Variants in TBCEL observed in about 807,000 individuals in gnomAD.
The protein encoded by TBCEL is tubulin-specific chaperone cofactor E-like protein.
A neutral mutation model predicts 44.2 loss-of-function variants in TBCEL; 15 were observed. That is an observed-to-expected ratio of 0.34 (90% CI 0.23 to 0.52). TBCEL has a LOEUF of 0.52. Ranked by LOEUF, TBCEL falls within the 20% of genes least tolerant of loss-of-function variation. The pLI is 0.95. For synonymous variants in TBCEL, 171 were observed against 185.4 expected (o/e 0.92, Z 0.63); for missense variants, 319 against 506.3 (o/e 0.63, Z 3.55).
At chr11:121,052,605 T>A (rs1205853335) in intron 4 of TBCEL, among the ~76,000 whole-genome samples, 1 of 151,948 alleles carries the variant, frequency 6.6e-6, no homozygotes, top group Non-Finnish European at 1.5e-5. Flanking sequence ...ATTTATTTCA[T>A]ACTTGTTTAA....
chr11:121,041,098 T>A (rs972016722), intron 2 of TBCEL, among the ~76,000 whole-genome samples: 22 of 152,232 alleles, frequency 1.4e-4, no homozygotes, highest in African/African-American at 5.3e-4. Context: ...CTTTGTGAAA[T>A]AAGTATTGAC....
At chr11:121,072,733 C>T (rs1209915734) in intron 8 of TBCEL, among the ~76,000 whole-genome samples, 1 of 152,020 alleles carries the variant, frequency 6.6e-6, no homozygotes. Flanking sequence ...TCTGATTTGT[C>T]TATCCTTAAC....
At chr11:121,079,672 A>T (rs1206143312) in intron 8 of TBCEL, among the ~76,000 whole-genome samples, 1 of 151,994 alleles carries the variant, frequency 6.6e-6, no homozygotes, top group African/African-American at 2.4e-5. Context: ...CAGTTGTAGA[A>T]TGTTTCTTTG....
At chr11:121,056,356 A>G (rs1044206431) in intron 6 of TBCEL, among the ~76,000 whole-genome samples, 8 of 151,716 alleles carry the variant, frequency 5.3e-5, no homozygotes, top group Admixed American at 5.3e-4. Context: ...TGGATGTACT[A>G]CAGTTTATTT....
At chr11:121,066,747 T>C (rs1281057061) in intron 8 of TBCEL, among the ~76,000 whole-genome samples, 1 of 152,202 alleles carries the variant, frequency 6.6e-6, no homozygotes, top group Non-Finnish European at 1.5e-5. Context: ...TATACTTATC[T>C]CTTTCTCTTC....
At chr11:121,025,481 G>A (rs1047780784) in intron 1 of TBCEL, among the ~76,000 whole-genome samples, 7 of 151,904 alleles carry the variant, frequency 4.6e-5, no homozygotes, top group Non-Finnish European at 8.8e-5. Flanking sequence ...GGTATGAAGG[G>A]AAACTTTCAC....
rs149197630 is a variant in TBCEL, at chr11:121,071,885, G to A, written c.956+11800G>A. Among the ~76,000 whole-genome samples the A allele has an allele frequency of 4.2e-3, 632 of 152,202 alleles. 2 individuals are homozygous for A. Among genetic ancestry groups the A allele is most frequent in the African/African-American group, 0.014 (582 of 41,510 alleles). On this transcript the variant is annotated intron_variant, in intron 8 of 8. Transcript: ENST00000683345. Reference sequence around the variant, plus strand: ...TACCTCATATTCCTTCCAGACAGAGGACCTGCTGTTGTGAAGGAACATTTC... The same window carrying A: ...TACCTCATATTCCTTCCAGACAGAGAACCTGCTGTTGTGAAGGAACATTTC...
rs751854768 is a variant in TBCEL at position 121,087,487 on chromosome 11, G to A, written c.*391G>A. 1.2e-4 allele frequency: 20 copies of A among 163,304 alleles called. No homozygotes were observed. Among genetic ancestry groups the A allele is most frequent in the Non-Finnish European group, 1.1e-4 (8 of 75,390 alleles). 10.1% of individuals were successfully genotyped at this position (163,304 alleles called of 1,614,324 possible). A position where few individuals can be genotyped will look rare whatever the true frequency, so the allele number is the denominator to read the frequency against. The stretch of plus-strand genomic sequence containing the variant: ...AGGGTCTCATAGAGAATTTAAACAG[G>A]GTGACAAGGAATCTTCACAGGAAGG... On this transcript the variant is annotated 3_prime_UTR_variant, in exon 9 of 9. Transcript: ENST00000683345.
intron 3 of TBCEL, among the ~76,000 whole-genome samples, chr11:121,046,141 T>G (rs1945426570): frequency 6.6e-6 from 1 of 152,086 alleles, no homozygotes; most frequent in South Asian, 2.1e-4. Context: ...CCTCATAGCC[T>G]AATTGGTTTA....
chr11:121,060,175 T>C, intron 8 of TBCEL, 90 bp downstream of exon 8: 2 of 851,632 alleles, frequency 2.3e-6, no homozygotes, highest in Non-Finnish European at 3.8e-6. Context: ...TCATTTGTTA[T>C]TGGACCCTTC....
At chr11:121,064,276 G>A (rs1301932758) in intron 8 of TBCEL, among the ~76,000 whole-genome samples, 1 of 152,168 alleles carries the variant, frequency 6.6e-6, no homozygotes, top group Non-Finnish European at 1.5e-5. Flanking sequence ...AGGATAACTG[G>A]TATCACTTTT....
chr11:121,028,762 C>T (rs775180239), intron 1 of TBCEL, among the ~76,000 whole-genome samples: 1 of 152,156 alleles, frequency 6.6e-6, no homozygotes, highest in Non-Finnish European at 1.5e-5. Flanking sequence ...ACAAATTGCT[C>T]ATATGGTTTT....
chr11:121,074,889 A>G (rs1482156526), intron 8 of TBCEL, among the ~76,000 whole-genome samples: 2 of 152,020 alleles, frequency 1.3e-5, no homozygotes, highest in Admixed American at 1.3e-4. Flanking sequence ...GTTGCAAGAA[A>G]GAATACAGCA....
intron 2 of TBCEL, among the ~76,000 whole-genome samples, chr11:121,041,889 G>T: frequency 6.8e-6 from 1 of 147,152 alleles, no homozygotes. Context: ...ACCAATGAAG[G>T]TACTTGGTGT....
At chr11:121,069,900 T>C (rs962523558) in intron 8 of TBCEL, among the ~76,000 whole-genome samples, 1 of 152,114 alleles carries the variant, frequency 6.6e-6, no homozygotes, top group Non-Finnish European at 1.5e-5. Context: ...GCTCGGACAG[T>C]AGGGCTTATT....
chr11:121,081,805 T>C (rs1946130831), intron 8 of TBCEL, among the ~76,000 whole-genome samples: 1 of 152,176 alleles, frequency 6.6e-6, no homozygotes, highest in Non-Finnish European at 1.5e-5. Flanking sequence ...ACCATGATTT[T>C]TATTTATGTA....
rs1946260032 is a variant in TBCEL at position 121,089,322 on chromosome 11, A to G, written c.*2226A>G. 6.6e-6 allele frequency: 1 copy of G among 152,224 alleles called. No homozygotes were observed. Among genetic ancestry groups the G allele is most frequent in the Non-Finnish European group, 1.5e-5 (1 of 68,034 alleles). 9.4% of individuals were successfully genotyped at this position (152,224 alleles called of 1,614,324 possible). On this transcript the variant is annotated 3_prime_UTR_variant, in exon 9 of 9. Transcript: ENST00000683345. ...AGAGACCTGTTTCTTCTGTTATTAC[A>G]GAACACAGTGTTTATCAACTGCGGA...
rs1946268887 is a variant in TBCEL, at chr11:121,090,053, C to G, written c.*2957C>G. 1 of 152,236 alleles carries G rather than the reference C, an allele frequency of 6.6e-6. No homozygotes were observed. The highest frequency in any genetic ancestry group is 2.1e-4 in the South Asian group (1 of 4,820). 9.4% of individuals were successfully genotyped at this position (152,236 alleles called of 1,614,324 possible). A position where few individuals can be genotyped will look rare whatever the true frequency, so the allele number is the denominator to read the frequency against. ...CTTTTTTATTATCAAGTTTTTGCAG[C>G]CTTTTGCCAGCATTGCCATAAATAC... On this transcript the variant is annotated 3_prime_UTR_variant, in exon 9 of 9. Transcript: ENST00000683345.
chr11:121,031,274 C>T (rs370400021), intron 1 of TBCEL, among the ~76,000 whole-genome samples: 104 of 152,228 alleles, frequency 6.8e-4, no homozygotes, highest in African/African-American at 2.4e-3. Flanking sequence ...AATTATTTTC[C>T]AAGGTGTTTG....
Sources: gnomAD v4.1 joint callset for allele counts (sites outside exome capture counted in the v4.1 genomes callset) on GRCh38, gnomAD v4.1.1 for gene constraint, MANE v1.5 for transcripts, NCBI Gene and HGNC (gene_info 2026-07-23, HGNC 2026-07-21) for gene names.